The following GALNT2 variants were observed in gnomAD, a reference collection of about 807,000 sequenced individuals.
GALNT2 encodes the protein polypeptide N-acetylgalactosaminyltransferase 2.
Under a neutral mutation model 81.4 loss-of-function variants are expected in GALNT2, and 31 were observed. That is an observed-to-expected ratio of 0.38 (90% CI 0.29 to 0.51). The LOEUF (loss-of-function observed/expected upper bound fraction) is 0.51. Among genes scored for constraint, GALNT2 ranks in the 20% least tolerant of loss-of-function variants. The pLI is 0.87. For missense variants in GALNT2, 629 were observed against 765.7 expected (o/e 0.82, Z 2.11); for synonymous variants, 303 against 287.4 (o/e 1.05, Z -0.55).
rs1338719340 is a variant in GALNT2 at position 230,099,012 on chromosome 1, G to A, written c.126+31606G>A. ...CCCCCCTTTAGATGTTCCCGATCGC[G>A]CGGAATCACGACATGAGAGGATGAG... On this transcript the variant is annotated intron_variant, in intron 1 of 15. Coordinates refer to ENST00000366672, the MANE Select transcript of GALNT2 (RefSeq NM_004481.5). Among the ~76,000 whole-genome samples, 25 of 152,266 alleles carry A rather than the reference G, an allele frequency of 1.6e-4. No homozygotes were observed. In the East Asian group the frequency reaches 4.1e-3, roughly 25 times the overall value.
chr1:230,089,239 C>T (rs1490833483), intron 1 of GALNT2, among the ~76,000 whole-genome samples: 4 of 151,348 alleles, frequency 2.6e-5, no homozygotes, highest in African/African-American at 4.9e-5. Flanking sequence ...CTCCGCCTCC[C>T]GGGTTCAAGC....
At position 230,107,610 on chromosome 1, in the gene GALNT2, TTGTGTGTGTGTG is replaced by T. The variant is rs3033608; in HGVS notation, c.126+40227_126+40238del. Among the ~76,000 whole-genome samples, 3,107 of 141,204 alleles carry T rather than the reference TTGTGTGTGTGTG, an allele frequency of 0.022. 299 individuals carry two copies. The East Asian group carries it at 0.33, about 15-fold the overall frequency. 92.6% of individuals were successfully genotyped at this position (141,204 alleles called of 152,430 possible). ...AAATTCTCATTTCTTCTCATGGACTTTGTGTGTGTGTGTGTGTGTGTGTGTGTGTGTGTGGTT... is the reference window on the plus strand; with the variant it reads ...AAATTCTCATTTCTTCTCATGGACTTTGTGTGTGTGTGTGTGTGTGTGGTT... On this transcript the variant is annotated intron_variant, in intron 1 of 15. Coordinates refer to ENST00000366672, the MANE Select transcript of GALNT2 (RefSeq NM_004481.5).
chr1:230,212,706 A>G (rs953306062), intron 3 of GALNT2, among the ~76,000 whole-genome samples: 2 of 152,066 alleles, frequency 1.3e-5, no homozygotes, highest in African/African-American at 4.8e-5. Context: ...CTTGCATCTG[A>G]TATGCACAGT....
intron 13 of GALNT2, 56 bp downstream of exon 13, chr1:230,263,061 C>G (rs1171816551): frequency 1.6e-5 from 23 of 1,429,638 alleles, no homozygotes; most frequent in Middle Eastern, 1.8e-4. Flanking sequence ...GCCAGTAAGG[C>G]CATAGAAGCA....
At chr1:230,170,841 A>G (rs191955042) in intron 1 of GALNT2, among the ~76,000 whole-genome samples, 19 of 152,204 alleles carry the variant, frequency 1.2e-4, no homozygotes, top group African/African-American at 4.3e-4. Context: ...CCATGGGGAG[A>G]GCACAAAGCC....
In GALNT2 at chr1:230,095,446, G is replaced by C. The variant is rs1660224328; in HGVS notation, c.126+28040G>C. 1.3e-5 allele frequency among the ~76,000 whole-genome samples: 2 copies of C among 152,164 alleles called. 1 individual carries two copies. The highest frequency in any genetic ancestry group is 4.1e-4 in the South Asian group (2 of 4,826). On this transcript the variant is annotated intron_variant, in intron 1 of 15. Coordinates refer to ENST00000366672, the MANE Select transcript of GALNT2 (RefSeq NM_004481.5). ...GTAGAAGTGGTGAAGTGGGAATTCA[G>C]ACCCACCCCTGCGGGCTCCTCAGCC...
intron 12 of GALNT2, 128 bp downstream of exon 12, chr1:230,262,793 A>G (rs1293615223): frequency 4.6e-6 from 6 of 1,290,616 alleles, no homozygotes; most frequent in Non-Finnish European, 1.1e-6. Context: ...TTGTGGGCAC[A>G]GGAGCATGGG....
At chr1:230,199,928 C>A (rs954622423) in intron 2 of GALNT2, among the ~76,000 whole-genome samples, 1 of 152,224 alleles carries the variant, frequency 6.6e-6, no homozygotes, top group African/African-American at 2.4e-5. Context: ...GATATTCTTT[C>A]TGCAGGGAAG....
chr1:230,117,832 G>A (rs371973882), intron 1 of GALNT2, among the ~76,000 whole-genome samples: 15 of 152,332 alleles, frequency 9.8e-5, no homozygotes, highest in African/African-American at 3.6e-4. Context: ...AGACTTGCTC[G>A]ATGTAGGGTT....
intron 6 of GALNT2, among the ~76,000 whole-genome samples, chr1:230,240,331 C>T (rs181825300): frequency 4.6e-5 from 7 of 152,202 alleles, no homozygotes; most frequent in South Asian, 4.1e-4. Context: ...CAGTGGCTCA[C>T]GCCTGTAATC....
chr1:230,251,306 G>C (rs1005317310), intron 10 of GALNT2, among the ~76,000 whole-genome samples: 1 of 152,076 alleles, frequency 6.6e-6, no homozygotes, highest in African/African-American at 2.4e-5. Context: ...TTCGTCCTTG[G>C]GTGAGTGTAC....
At chr1:230,202,176 G>A (rs1663912864) in intron 2 of GALNT2, among the ~76,000 whole-genome samples, 2 of 152,120 alleles carry the variant, frequency 1.3e-5, no homozygotes, top group Admixed American at 1.3e-4. Flanking sequence ...AATGGTGCTT[G>A]ATTGAAACCC....
chr1:230,219,504 TC>T (rs1664484982), intron 3 of GALNT2, among the ~76,000 whole-genome samples: 1 of 152,036 alleles, frequency 6.6e-6, no homozygotes, highest in Non-Finnish European at 1.5e-5. Flanking sequence ...TGTCCTCCCT[TC>T]TGAGTCACTG....
At chr1:230,218,968 C>T (rs1184401183) in intron 3 of GALNT2, among the ~76,000 whole-genome samples, 1 of 152,208 alleles carries the variant, frequency 6.6e-6, no homozygotes, top group Non-Finnish European at 1.5e-5. Context: ...TTGTGAACTG[C>T]ACATGCAAGG....
chr1:230,208,858 G>A, intron 3 of GALNT2, among the ~76,000 whole-genome samples: 1 of 152,114 alleles, frequency 6.6e-6, no homozygotes, highest in Admixed American at 6.5e-5. Flanking sequence ...TGGAAATGTG[G>A]GGGTGGAGGA....
At chr1:230,228,646 T>C (rs1452656402) in intron 3 of GALNT2, among the ~76,000 whole-genome samples, 2 of 152,118 alleles carry the variant, frequency 1.3e-5, no homozygotes, top group East Asian at 3.9e-4. Flanking sequence ...TCTGGTCATC[T>C]GTGTGTGTAA....
In GALNT2 at chr1:230,203,278, C is replaced by T. The variant is rs888284862; in HGVS notation, c.362C>T (p.Thr121Ile). The T allele has an allele frequency of 1.2e-6, 2 of 1,613,904 alleles. No individual in the cohort carries two copies. The highest frequency in any genetic ancestry group is 1.3e-5 in the African/African-American group (1 of 74,908). Residue 121 changes from threonine to isoleucine, a missense_variant, in exon 3 of 16, where the codon ACC becomes ATC. Physicochemically the swap from Thr to Ile is moderately conservative, Grantham distance 89 (BLOSUM62 -1). Around this residue, in one of 3 missense-constraint regions of GALNT2, gnomAD observed 360 missense variants for 492.8 expected, o/e 0.73. Coordinates refer to ENST00000366672, the MANE Select transcript of GALNT2 (RefSeq NM_004481.5). ...KLRMDRAIPD[T>I]RHDQCQRKQW... ...CGAATGGACAGAGCCATCCCTGACA[C>T]CCGGCATGACCAGTAAGTACCCCAC...
Position 230,129,784 on chromosome 1 carries a change from G to A in GALNT2, c.127-48434G>A, listed in dbSNP as rs369987797. ...TTCTGCATGCTGCTGGGGGTTGGCC[G>A]AGTGTCCTTCTGCTGTGACTGGTTG... On this transcript the variant is annotated intron_variant, in intron 1 of 15. Transcript: ENST00000366672. Among the ~76,000 whole-genome samples, 8 of 152,348 alleles carry A rather than the reference G, an allele frequency of 5.3e-5. No individual in the cohort carries two copies. The East Asian group carries it at 1.2e-3, about 22-fold the overall frequency.
chr1:230,233,508 G>A (rs1454830855), intron 3 of GALNT2, among the ~76,000 whole-genome samples: 2 of 152,166 alleles, frequency 1.3e-5, no homozygotes, highest in African/African-American at 4.8e-5. Context: ...AGCTACTCGG[G>A]AGGCTGAGGC....
Sources: gnomAD v4.1 joint callset for allele counts (sites outside exome capture counted in the v4.1 genomes callset) on GRCh38, gnomAD v4.1.1 for gene constraint, gnomAD v4.1.1 regional missense constraint, MANE v1.5 for transcripts, NCBI Gene and HGNC (gene_info 2026-07-23, HGNC 2026-07-21) for gene names.